The following PDE3B variants were observed in gnomAD, a reference collection of about 807,000 sequenced individuals.
PDE3B encodes the protein phosphodiesterase 3B.
A neutral mutation model predicts 116.8 loss-of-function variants in PDE3B; 66 were observed. The ratio of observed to expected loss-of-function variants is 0.56; its 90% CI spans 0.46 to 0.69. The LOEUF is 0.69. Ranked by LOEUF, PDE3B falls within the 30% of genes least tolerant of loss-of-function variation. PDE3B has a pLI of 0.00. For synonymous variants in PDE3B, 595 were observed against 533.6 expected, an observed-to-expected ratio of 1.12 and a Z score of -1.59; for missense variants, 1,384 against 1,368.1, an observed-to-expected ratio of 1.01 and a Z score of -0.18.
chr11:14,830,246 AAATTATT>A (rs1191426316), intron 7 of PDE3B, among the ~76,000 whole-genome samples: 1 of 152,208 alleles, frequency 6.6e-6, no homozygotes, highest in African/African-American at 2.4e-5. Flanking sequence ...TTGAGAAAAG[AAATTATT>A]ACATTGGTAG....
At chr11:14,676,661 A>G (rs1168907681) in intron 1 of PDE3B, among the ~76,000 whole-genome samples, 1 of 152,092 alleles carries the variant, frequency 6.6e-6, no homozygotes, top group Non-Finnish European at 1.5e-5. Context: ...TAAAAAAGTA[A>G]CCGCGTCACA....
chr11:14,743,925 G>A (rs1161622148), intron 1 of PDE3B, among the ~76,000 whole-genome samples: 4 of 152,156 alleles, frequency 2.6e-5, no homozygotes, highest in African/African-American at 9.7e-5. Flanking sequence ...GATGAGCTGG[G>A]TACCTCAGTT....
intron 1 of PDE3B, among the ~76,000 whole-genome samples, chr11:14,742,971 G>A (rs530188503): frequency 5.6e-4 from 85 of 152,278 alleles, no homozygotes; most frequent in South Asian, 6.2e-4. Flanking sequence ...CTAGATGCCA[G>A]CCAGAGCTCT....
intron 5 of PDE3B, among the ~76,000 whole-genome samples, chr11:14,804,486 GA>G (rs1161989650): frequency 3.3e-5 from 5 of 151,768 alleles, no homozygotes; most frequent in Admixed American, 1.3e-4. Flanking sequence ...ATTATAGAAT[GA>G]TTAAAAACTC....
chr11:14,663,910 G>A (rs1170954571), intron 1 of PDE3B, among the ~76,000 whole-genome samples: 2 of 152,178 alleles, frequency 1.3e-5, no homozygotes, highest in Non-Finnish European at 2.9e-5. Context: ...TCTGCACCAA[G>A]CGGACCTAAT....
intron 1 of PDE3B, among the ~76,000 whole-genome samples, chr11:14,727,248 G>A (rs775735144): frequency 6.6e-6 from 1 of 152,076 alleles, no homozygotes; most frequent in Non-Finnish European, 1.5e-5. Flanking sequence ...GATAGAAACT[G>A]TAATAATATA....
chr11:14,706,317 A>T (rs759849748), intron 1 of PDE3B, among the ~76,000 whole-genome samples: 8 of 151,958 alleles, frequency 5.3e-5, no homozygotes, highest in Non-Finnish European at 8.8e-5. Flanking sequence ...TGAAACTAAA[A>T]GGCTAAATAA....
At chr11:14,739,831 G>A (rs11529569) in intron 1 of PDE3B, among the ~76,000 whole-genome samples, 21,498 of 151,982 alleles carry the variant, frequency 0.14, 2,222 homozygotes, top group African/African-American at 0.3. Context: ...GAATTTTGTC[G>A]AAGGCCTTTT....
At chr11:14,834,685 A>T (rs922468461) in intron 10 of PDE3B, among the ~76,000 whole-genome samples, 4 of 152,246 alleles carry the variant, frequency 2.6e-5, no homozygotes, top group Non-Finnish European at 5.9e-5. Flanking sequence ...CAGACACTAC[A>T]TGATATTTTT....
chr11:14,892,148 G>A, the PDE3B span: 11 of 1,611,202 alleles, frequency 6.8e-6, no homozygotes, highest in Non-Finnish European at 8.5e-6. Context: ...AAGAGCAGCA[G>A]GAAGAGCGCG....
At chr11:14,659,281 A>G (rs1853814631) in intron 1 of PDE3B, among the ~76,000 whole-genome samples, 1 of 152,200 alleles carries the variant, frequency 6.6e-6, no homozygotes, top group African/African-American at 2.4e-5. Flanking sequence ...CAGTTTTGAC[A>G]TTACTTTTTC....
chr11:14,730,810 CTTTAGAGCCAGA>C (rs965273040), intron 1 of PDE3B, among the ~76,000 whole-genome samples: 7 of 152,156 alleles, frequency 4.6e-5, no homozygotes, highest in African/African-American at 1.7e-4. Flanking sequence ...GGAACAAAAA[CTTTAGAGCCAGA>C]TTTGGGATCA....
At chr11:14,722,823 T>C (rs1856163420) in intron 1 of PDE3B, among the ~76,000 whole-genome samples, 1 of 152,196 alleles carries the variant, frequency 6.6e-6, no homozygotes, top group African/African-American at 2.4e-5. Flanking sequence ...TTTAAGCTGC[T>C]TAGTTTTGGG....
intron 11 of PDE3B, among the ~76,000 whole-genome samples, chr11:14,835,459 TCAAGTA>T (rs1860025563): frequency 6.6e-6 from 1 of 152,112 alleles, no homozygotes; most frequent in Non-Finnish European, 1.5e-5. Context: ...TTTTTTTGTT[TCAAGTA>T]CATCACATAC....
chr11:14,688,184 C>G (rs1034989004), intron 1 of PDE3B, among the ~76,000 whole-genome samples: 4 of 148,892 alleles, frequency 2.7e-5, no homozygotes, highest in Non-Finnish European at 4.5e-5. Context: ...TCCCTCTCCC[C>G]CTCTCCCTCT....
chr11:14,799,157 A>G (rs1200348435), intron 4 of PDE3B, among the ~76,000 whole-genome samples: 1 of 152,140 alleles, frequency 6.6e-6, no homozygotes, highest in Non-Finnish European at 1.5e-5. Context: ...GTTTCATAAA[A>G]CATCTTTATT....
At chr11:14,674,168 G>A (rs1237823684) in intron 1 of PDE3B, 2 of 1,302,066 alleles carry the variant, frequency 1.5e-6, no homozygotes, top group African/African-American at 2.9e-5. Context: ...GGAGGCCAAG[G>A]AGTCTCACTG....
chr11:14,653,022 A>G (rs1042954223), intron 1 of PDE3B, among the ~76,000 whole-genome samples: 2 of 152,194 alleles, frequency 1.3e-5, no homozygotes, highest in South Asian at 2.1e-4. Context: ...TGAGCATTTT[A>G]TTCTTTTCAA....
the PDE3B span, among the ~76,000 whole-genome samples, chr11:14,878,562 A>G: frequency 3.3e-5 from 5 of 152,124 alleles, no homozygotes; most frequent in African/African-American, 1.2e-4. Context: ...GCTGCAACAG[A>G]GCCTAAGATA....
Sources: allele counts gnomAD v4.1 joint callset (sites outside exome capture counted in the v4.1 genomes callset), GRCh38; gene constraint gnomAD v4.1.1; transcripts MANE v1.5; gene names NCBI Gene and HGNC (gene_info 2026-07-23, HGNC 2026-07-21).